Variants in PRAG1 observed in about 807,000 individuals in gnomAD.
PRAG1 encodes PEAK1 related, kinase-activating pseudokinase 1.
PRAG1 carries 110 observed loss-of-function variants against 95.6 expected under a neutral mutation model. That is an observed-to-expected ratio of 1.15 (90% CI 0.99 to 1.35). The LOEUF (loss-of-function observed/expected upper bound fraction) is 1.35. Among genes scored for constraint, PRAG1 ranks in the 40% most tolerant of loss-of-function variants. The pLI, the probability that PRAG1 is intolerant of heterozygous loss-of-function variation, is 0.00. For synonymous variants in PRAG1, 1,052 were observed against 819.4 expected, an observed-to-expected ratio of 1.28 and a Z score of -4.85; for missense variants, 2,554 against 1,864.7, an observed-to-expected ratio of 1.37 and a Z score of -6.81.
At chr8:8,347,423 G>T (rs1450047210) in intron 3 of PRAG1, among the ~76,000 whole-genome samples, 2 of 152,230 alleles carry the variant, frequency 1.3e-5, no homozygotes, top group African/African-American at 2.4e-5. Context: ...TCTCTGACCT[G>T]CAGCTTTCAA....
chr8:8,381,593 C>T lies in PRAG1; in HGVS notation c.155G>A (p.Gly52Asp), dbSNP rs745376611. The T allele has an allele frequency of 6.2e-7, 1 of 1,614,070 alleles. No individual in the cohort carries two copies. Among genetic ancestry groups the T allele is most frequent in the Non-Finnish European group, 8.5e-7 (1 of 1,179,968 alleles). The change falls in exon 2 of 6, where the codon GGC (glycine) becomes GAC (aspartate). Residue 52 changes from glycine to aspartate, a missense_variant. Gly to Asp is a moderately conservative substitution (Grantham distance 94). Coordinates refer to ENST00000615670, the MANE Select transcript of PRAG1 (RefSeq NM_001080826.3). ...LVAGPPQPRA[G>D]SLPPPPRLPP... ...CAGGCGCGGTGGAGGGGGCAGGCTGCCCGCTCTGGGCTGGGGAGGGCCGGC... is the reference window on the plus strand; with the variant it reads ...CAGGCGCGGTGGAGGGGGCAGGCTGTCCGCTCTGGGCTGGGGAGGGCCGGC...
intron 1 of PRAG1, 55 bp from the exon 2 acceptor site, chr8:8,381,889 G>A (rs1800687865): frequency 6.4e-6 from 4 of 625,102 alleles, no homozygotes; most frequent in South Asian, 2.2e-5. Context: ...GACAATGGGT[G>A]CATTATCAAT....
At chr8:8,343,103 G>A (rs1799224717) in intron 3 of PRAG1, among the ~76,000 whole-genome samples, 1 of 151,944 alleles carries the variant, frequency 6.6e-6, no homozygotes, top group Non-Finnish European at 1.5e-5. Flanking sequence ...AAATGAACAG[G>A]CAACTCACAA....
At chr8:8,336,603 T>C (rs2117137803) in intron 4 of PRAG1, among the ~76,000 whole-genome samples, 1 of 152,334 alleles carries the variant, frequency 6.6e-6, no homozygotes, top group East Asian at 1.9e-4. Flanking sequence ...AAGTGGCATT[T>C]TGCCACTGTA....
In PRAG1 at chr8:8,376,383, G is replaced by T. The variant is rs754009056; in HGVS notation, c.2026C>A (p.Pro676Thr). The change falls in exon 3 of 6, where the codon CCC becomes ACC. Residue 676 changes from proline to threonine, a missense_variant. Coordinates refer to ENST00000615670, the MANE Select transcript of PRAG1 (RefSeq NM_001080826.3). Reference sequence around the variant, plus strand: ...TTCTGCCCAGAGGAGCCATCTGTGGGGTGGAGACGGTGCCAGGTCGTGGAG... The same window carrying T: ...TTCTGCCCAGAGGAGCCATCTGTGGTGTGGAGACGGTGCCAGGTCGTGGAG... ...SNSTTWHRLH[P>T]TDGSSGQNSK... 1 of 1,614,146 alleles carries T rather than the reference G, an allele frequency of 6.2e-7. No individual in the cohort carries two copies. The highest frequency in any genetic ancestry group is 8.5e-7 in the Non-Finnish European group (1 of 1,180,042).
chr8:8,341,003 C>T (rs1156912489), intron 3 of PRAG1, among the ~76,000 whole-genome samples: 1 of 152,200 alleles, frequency 6.6e-6, no homozygotes, highest in Admixed American at 6.5e-5. Context: ...CAGTTTCATA[C>T]AATATTCTTA....
At chr8:8,348,326 C>G (rs767741690) in intron 3 of PRAG1, among the ~76,000 whole-genome samples, 1 of 152,210 alleles carries the variant, frequency 6.6e-6, no homozygotes, top group Non-Finnish European at 1.5e-5. Context: ...CATAAGGATT[C>G]TCTCTAGCTT....
intron 3 of PRAG1, among the ~76,000 whole-genome samples, chr8:8,347,286 C>T (rs114793977): frequency 0.016 from 2,369 of 152,236 alleles, 68 homozygotes; most frequent in African/African-American, 0.051. Flanking sequence ...CAGAGGCAGC[C>T]GGAATGCTTC....
intron 3 of PRAG1, among the ~76,000 whole-genome samples, chr8:8,360,100 C>T (rs181408940): frequency 6.6e-6 from 1 of 152,156 alleles, no homozygotes; most frequent in East Asian, 1.9e-4. Context: ...TGGGTCCCAC[C>T]TCTAAATTTA....
chr8:8,372,456 C>G (rs547026131), intron 3 of PRAG1, among the ~76,000 whole-genome samples: 4 of 152,160 alleles, frequency 2.6e-5, no homozygotes, highest in Non-Finnish European at 5.9e-5. Context: ...CAGGGGTGAC[C>G]CAGAGACTCT....
intron 3 of PRAG1, among the ~76,000 whole-genome samples, chr8:8,366,170 G>A (rs906542064): frequency 2.6e-5 from 4 of 152,054 alleles, no homozygotes; most frequent in East Asian, 1.9e-4. Context: ...TTCATGGGAC[G>A]TTCATAATCA....
intron 3 of PRAG1, chr8:8,374,488 G>C (rs1204435214): frequency 4.8e-6 from 1 of 209,836 alleles, no homozygotes; most frequent in Non-Finnish European, 8.3e-6. Context: ...AGGAACCTTA[G>C]GCTGGTTACC....
chr8:8,339,440 G>A (rs201267063), intron 4 of PRAG1, 38 bp downstream of exon 4: 2 of 1,605,524 alleles, frequency 1.2e-6, no homozygotes, highest in Non-Finnish European at 1.7e-6. Flanking sequence ...GAAGGTCCAG[G>A]AGAATCTAAG....
At chr8:8,324,676 T>G (rs1798578557) in intron 5 of PRAG1, among the ~76,000 whole-genome samples, 2 of 152,172 alleles carry the variant, frequency 1.3e-5, no homozygotes, top group African/African-American at 4.8e-5. Context: ...GTTTCTAACG[T>G]TTTGCTGAGC....
chr8:8,362,889 G>A (rs1215669035), intron 3 of PRAG1, among the ~76,000 whole-genome samples: 2 of 152,084 alleles, frequency 1.3e-5, no homozygotes, highest in Non-Finnish European at 2.9e-5. Flanking sequence ...AGACTGTGCA[G>A]AACAAAGGAA....
At chr8:8,352,256 C>A (rs1251514592) in intron 3 of PRAG1, among the ~76,000 whole-genome samples, 1 of 152,204 alleles carries the variant, frequency 6.6e-6, no homozygotes, top group African/African-American at 2.4e-5. Context: ...TCTCTCCACA[C>A]TCCCTGATCA....
intron 4 of PRAG1, among the ~76,000 whole-genome samples, chr8:8,331,559 G>C (rs556420528): frequency 6.6e-6 from 1 of 152,094 alleles, no homozygotes; most frequent in Non-Finnish European, 1.5e-5. Flanking sequence ...TTGTTATCTC[G>C]GTTCAATTGT....
chr8:8,365,408 G>C (rs189019549), intron 3 of PRAG1, among the ~76,000 whole-genome samples: 33 of 152,152 alleles, frequency 2.2e-4, no homozygotes, highest in African/African-American at 6.7e-4. Flanking sequence ...TGGATCACCT[G>C]AGGTCAGGAG....
rs1158570733 is a variant in PRAG1 at position 8,377,081 on chromosome 8, C to T, written c.1328G>A (p.Gly443Asp). ...CCAGGCATTACCTGTGCATACCTGG[C>T]CTTGGCCCTGGGCAGCAGCTGCATG... ...IEHAAAAQGQ[G>D]QVCTGNAWAQ... Residue 443 changes from glycine (G) to aspartate (D), a missense_variant, in exon 3 of 6, where the codon GGC becomes GAC. By Grantham distance (94) the Gly-to-Asp change is moderately conservative. Coordinates refer to ENST00000615670, the MANE Select transcript of PRAG1 (RefSeq NM_001080826.3). 3.7e-6 allele frequency: 6 copies of T among 1,613,870 alleles called. No homozygotes were observed. In the African/African-American group the frequency reaches 8.0e-5, roughly 22 times the overall value.
Sources: allele counts gnomAD v4.1 joint callset (sites outside exome capture counted in the v4.1 genomes callset), GRCh38; gene constraint gnomAD v4.1.1; transcripts MANE v1.5; gene names NCBI Gene and HGNC (gene_info 2026-07-23, HGNC 2026-07-21).